The following PTPRN2 variants were observed in gnomAD, a reference collection of about 807,000 sequenced individuals.
PTPRN2 encodes the protein receptor-type tyrosine-protein phosphatase N2.
PTPRN2 carries 74 observed loss-of-function variants against 118.8 expected under a neutral mutation model. That is an observed-to-expected ratio of 0.62 (90% CI 0.52 to 0.76). The LOEUF is 0.76. Among genes scored for constraint, PTPRN2 ranks in the 30% least tolerant of loss-of-function variants. The pLI is 0.00. For synonymous variants in PTPRN2, 641 were observed against 608.0 expected, an observed-to-expected ratio of 1.05 and a Z score of -0.80; for missense variants, 1,481 against 1,394.4, an observed-to-expected ratio of 1.06 and a Z score of -0.99.
At chr7:157,739,192 G>A (rs570402083) in intron 12 of PTPRN2, 6 of 152,316 alleles carry the variant, frequency 3.9e-5, no homozygotes, top group Admixed American at 6.5e-5. Flanking sequence ...TCCATGTTCC[G>A]GAGATTAAAG....
intron 9 of PTPRN2, among the ~76,000 whole-genome samples, chr7:158,117,782 G>GAAAA (rs142801094): frequency 6.7e-6 from 1 of 148,648 alleles, no homozygotes; most frequent in African/African-American, 2.5e-5. Flanking sequence ...TACAGGAAAA[G>GAAAA]AAAAAAAAAA....
rs949254044 is a variant in PTPRN2, at chr7:158,310,803, C to T, written c.277+6016G>A. On this transcript the variant is annotated intron_variant, in intron 3 of 22. Transcript: ENST00000389418. ...GGCGAGCCCTGAGCCGGACAGAGCG[C>T]AAGTCCCACGGAGGGCGAGCCCTGA... is the stretch of plus-strand genomic sequence containing the variant. 5.2e-4 allele frequency among the ~76,000 whole-genome samples: 76 copies of T among 146,558 alleles called. 1 individual carries two copies. Among genetic ancestry groups the T allele is most frequent in the African/African-American group, 1.9e-3 (72 of 38,886 alleles).
At position 158,078,597 on chromosome 7, in the gene PTPRN2, T is replaced by C. The variant is rs530823199; in HGVS notation, c.1723+2701A>G. ...CACCTGAAACTCAGTAAGAGGCTCC[T>C]CTTCACCGTGCTAAGCACTCTCCCA... On this transcript the variant is annotated intron_variant, in intron 11 of 22. Coordinates refer to ENST00000389418, the MANE Select transcript of PTPRN2 (RefSeq NM_002847.5). Among the ~76,000 whole-genome samples, 4 of 152,358 alleles carry C rather than the reference T, an allele frequency of 2.6e-5. No homozygotes were observed. The South Asian group carries it at 8.3e-4, about 32-fold the overall frequency.
At chr7:157,959,408 A>G (rs1187614482) in intron 11 of PTPRN2, among the ~76,000 whole-genome samples, 2 of 152,258 alleles carry the variant, frequency 1.3e-5, no homozygotes, top group African/African-American at 4.8e-5. Context: ...ATTAAAAAAC[A>G]TTATCTAAAC....
At chr7:157,895,194 C>T (rs1475018680) in intron 12 of PTPRN2, among the ~76,000 whole-genome samples, 1 of 151,888 alleles carries the variant, frequency 6.6e-6, no homozygotes, top group Non-Finnish European at 1.5e-5. Context: ...AGGATCTGGA[C>T]GAGACCATAA....
rs995605312 is a variant in PTPRN2 at position 157,674,946 on chromosome 7, G to A, written c.2001+7779C>T. On this transcript the variant is annotated intron_variant, in intron 13 of 22. Transcript: ENST00000389418. This position sits in a 1 kb window ranked among gnomAD's most constrained non-coding sequence, Gnocchi z 4.5. ...TCCTCCCGAGGGACGGTGGCCCCAA[G>A]GGGAGCCGGGAGAGCAGAGGCTACA... 6.6e-6 allele frequency among the ~76,000 whole-genome samples: 1 copy of A among 152,164 alleles called. No individual in the cohort carries two copies. Among genetic ancestry groups the A allele is most frequent in the Non-Finnish European group, 1.5e-5 (1 of 68,016 alleles).
At chr7:157,542,769 C>T (rs551379990) in intron 22 of PTPRN2, among the ~76,000 whole-genome samples, 1 of 152,312 alleles carries the variant, frequency 6.6e-6, no homozygotes, top group African/African-American at 2.4e-5. Context: ...AGGAGAAGCT[C>T]CACCGGGCGT....
At chr7:158,152,047 G>C (rs906338107) in intron 6 of PTPRN2, among the ~76,000 whole-genome samples, 4 of 151,966 alleles carry the variant, frequency 2.6e-5, no homozygotes, top group African/African-American at 7.3e-5. Flanking sequence ...GGTGGCAGAC[G>C]CCTGTAGTCC....
At chr7:158,180,717 T>C (rs1337943225) in intron 5 of PTPRN2, among the ~76,000 whole-genome samples, 1 of 152,194 alleles carries the variant, frequency 6.6e-6, no homozygotes, top group Admixed American at 6.5e-5. Context: ...GTACAGGGGA[T>C]TGAGTTCTTG....
At chr7:158,232,597 G>T (rs1437851788) in intron 3 of PTPRN2, among the ~76,000 whole-genome samples, 1 of 151,818 alleles carries the variant, frequency 6.6e-6, no homozygotes, top group East Asian at 1.9e-4. Flanking sequence ...ATTCTATGAG[G>T]TCAGTGTTAC....
chr7:158,213,899 T>G (rs1827784495), intron 3 of PTPRN2, among the ~76,000 whole-genome samples: 1 of 152,098 alleles, frequency 6.6e-6, no homozygotes, highest in Non-Finnish European at 1.5e-5. Flanking sequence ...TTTAAAAATT[T>G]TTATCTAAAA....
Position 157,722,791 on chromosome 7 carries a change from G to T in PTPRN2, c.1789-39854C>A, listed in dbSNP as rs1799315547. On this transcript the variant is annotated intron_variant, in intron 12 of 22. Transcript: ENST00000389418. ...GGGGCCCAGTCTGTCATCCAGAGAG[G>T]CAAGGGAGAAGGCAGGGGTGAGCGA... Among the ~76,000 whole-genome samples the T allele has an allele frequency of 2.0e-5, 3 of 152,118 alleles. No individual in the cohort carries two copies. The South Asian group carries it at 6.2e-4, about 31-fold the overall frequency.
At chr7:157,994,108 C>A (rs994139949) in intron 11 of PTPRN2, among the ~76,000 whole-genome samples, 1 of 152,128 alleles carries the variant, frequency 6.6e-6, no homozygotes, top group Non-Finnish European at 1.5e-5. Context: ...TAATGTATCA[C>A]GTTGTTTTCC....
intron 3 of PTPRN2, among the ~76,000 whole-genome samples, chr7:158,274,690 T>A (rs1239464143): frequency 1.3e-5 from 2 of 152,172 alleles, no homozygotes; most frequent in African/African-American, 4.8e-5. Flanking sequence ...TTACTGCATC[T>A]GCATTTGAGG....
chr7:158,297,903 A>G (rs1800610576), intron 3 of PTPRN2, among the ~76,000 whole-genome samples: 1 of 152,244 alleles, frequency 6.6e-6, no homozygotes, highest in Non-Finnish European at 1.5e-5. Context: ...CTGAAAATTT[A>G]AGGAATGCAT....
chr7:158,144,969 C>A (rs10229776), intron 6 of PTPRN2, among the ~76,000 whole-genome samples: 33,472 of 132,026 alleles, frequency 0.25, 1,782 homozygotes, highest in East Asian at 0.31. Context: ...CACATCATCG[C>A]AAGAAGGTTC....
chr7:157,639,410 T>G (rs983194619), intron 14 of PTPRN2, among the ~76,000 whole-genome samples: 2 of 152,220 alleles, frequency 1.3e-5, no homozygotes, highest in East Asian at 3.9e-4. Flanking sequence ...TGAAGCACAG[T>G]GCGGCCTCTG....
chr7:158,054,466 C>T (rs1470784729), intron 11 of PTPRN2, among the ~76,000 whole-genome samples: 4 of 152,222 alleles, frequency 2.6e-5, no homozygotes, highest in African/African-American at 4.8e-5. Flanking sequence ...ACACATTTAC[C>T]GGCTGTTTTT....
intron 2 of PTPRN2, among the ~76,000 whole-genome samples, chr7:158,409,654 G>A (rs757652809): frequency 2.6e-5 from 4 of 152,220 alleles, no homozygotes; most frequent in Admixed American, 1.3e-4. Flanking sequence ...TGAGGGTTCC[G>A]GGGGTCTCTA....
Sources: gnomAD v4.1 joint callset for allele counts (sites outside exome capture counted in the v4.1 genomes callset) on GRCh38, gnomAD v4.1.1 for gene constraint, Gnocchi (gnomAD v3.1) non-coding constraint, MANE v1.5 for transcripts, NCBI Gene and HGNC (gene_info 2026-07-23, HGNC 2026-07-21) for gene names.